Variants in GCC2 observed in about 807,000 individuals in gnomAD.
GCC2 encodes GRIP and coiled-coil domain-containing protein 2.
Under a neutral mutation model 210.6 loss-of-function variants are expected in GCC2, and 120 were observed. The ratio of observed to expected loss-of-function variants is 0.57; its 90% CI spans 0.49 to 0.66. The LOEUF is 0.66. Ranked by LOEUF, GCC2 falls within the 30% of genes least tolerant of loss-of-function variation. The probability of loss-of-function intolerance (pLI) is 0.00; values close to 1 mark genes in which losing one functional copy is unlikely to be tolerated. For missense variants in GCC2, 1,868 were observed against 1,871.9 expected (o/e 1.00, Z 0.04); for synonymous variants, 703 against 652.7 (o/e 1.08, Z -1.17).
At chr2:108,493,146 G>A (rs1490668036) in intron 19 of GCC2, among the ~76,000 whole-genome samples, 1 of 152,200 alleles carries the variant, frequency 6.6e-6, no homozygotes, top group Non-Finnish European at 1.5e-5. Flanking sequence ...CTGGAGTGCA[G>A]TGGCGCGATC....
chr2:108,496,726 G>A lies in GCC2; in HGVS notation c.4643-244G>A, dbSNP rs1682661278. ...ATAAACACAATTCTGACAAATTTCA[G>A]AACTGGGACTCATAGGGCTTGTATT... On this transcript the variant is annotated intron_variant, in intron 20 of 22. Transcript: ENST00000309863. The A allele has an allele frequency of 5.0e-6, 3 of 596,506 alleles. No individual in the cohort carries two copies. In the Admixed American group the frequency reaches 9.8e-5, roughly 19 times the overall value. 37.0% of individuals were successfully genotyped at this position (596,506 alleles called of 1,614,324 possible).
chr2:108,449,835 G>A, intron 2 of GCC2, 146 bp downstream of exon 2: 2 of 613,210 alleles, frequency 3.3e-6, no homozygotes, highest in Non-Finnish European at 5.7e-6. Context: ...GTGCGCAATC[G>A]CCCATTTCCT....
intron 4 of GCC2, among the ~76,000 whole-genome samples, chr2:108,459,764 T>TTTTTTTTTTTTTTTTTTTTTTTTG: frequency 7.4e-6 from 1 of 134,914 alleles, no homozygotes; most frequent in African/African-American, 2.8e-5. Context: ...TTTTTTTTTT[T>TTTTTTTTTTTTTTTTTTTTTTTTG]TTTTTTTTTT....
intron 15 of GCC2, chr2:108,486,305 G>T (rs1553441886): frequency 1.3e-5 from 7 of 556,840 alleles, no homozygotes; most frequent in Non-Finnish European, 1.6e-5. Flanking sequence ...TCTTTTTTTT[G>T]AATTGATGTT....
chr2:108,465,029 C>A (rs1023504183), intron 4 of GCC2, among the ~76,000 whole-genome samples: 1 of 152,210 alleles, frequency 6.6e-6, no homozygotes, highest in Non-Finnish European at 1.5e-5. Context: ...TGAGAGCTCA[C>A]TTTTCACCAA....
At chr2:108,451,209 T>C (rs1679926659) in intron 3 of GCC2, 97 bp downstream of exon 3, 1 of 705,036 alleles carries the variant, frequency 1.4e-6, no homozygotes, top group African/African-American at 1.8e-5. Flanking sequence ...TTTTGTTTGT[T>C]TTCCAGTGAT....
At chr2:108,455,587 A>G (rs1052118927) in intron 4 of GCC2, among the ~76,000 whole-genome samples, 2 of 126,038 alleles carry the variant, frequency 1.6e-5, no homozygotes, top group African/African-American at 5.1e-5. Context: ...TATAATCATT[A>G]AATCAGAGTA....
chr2:108,507,747 T>G lies in GCC2; in HGVS notation c.*117T>G. ...GTATATATGTTTGCATCTACATATA[T>G]TTGTACATCTATATGACAGATGTAT... On this transcript the variant is annotated 3_prime_UTR_variant, in exon 23 of 23. Transcript: ENST00000309863. 1 of 731,434 alleles carries G rather than the reference T, an allele frequency of 1.4e-6. No individual in the cohort carries two copies. Among genetic ancestry groups the G allele is most frequent in the African/African-American group, 1.8e-5 (1 of 55,972 alleles). The allele number at this position is 731,434 out of a possible 1,614,324, so 45.3% of individuals were successfully genotyped here. A position where few individuals can be genotyped will look rare whatever the true frequency, so the allele number is the denominator to read the frequency against.
At position 108,470,019 on chromosome 2, in the gene GCC2, C is replaced by T; in HGVS notation, c.690C>T (p.Tyr230=). 1 of 1,611,958 alleles carries T rather than the reference C, an allele frequency of 6.2e-7. No individual in the cohort carries two copies. The highest frequency in any genetic ancestry group is 1.7e-4 in the Middle Eastern group (1 of 6,046). ...TCATTGAGGCTAATTCTCAGCATTACCAAAAAAATATTAATAGTTTGCAGG... is the reference window on the plus strand; with the variant it reads ...TCATTGAGGCTAATTCTCAGCATTATCAAAAAAATATTAATAGTTTGCAGG... ...QNIIEANSQH[Y]QKNINSLQEE... Residue 230 remains tyrosine, a synonymous_variant, in exon 6 of 23, where the codon TAC becomes TAT. Coordinates refer to ENST00000309863, the MANE Select transcript of GCC2 (RefSeq NM_181453.4).
In GCC2 at chr2:108,496,997, C is replaced by A. The variant is rs1682675508; in HGVS notation, c.4670C>A (p.Thr1557Asn). The A allele has an allele frequency of 1.2e-6, 2 of 1,611,960 alleles. No homozygotes were observed. Among genetic ancestry groups the A allele is most frequent in the Non-Finnish European group, 1.7e-6 (2 of 1,179,860 alleles). Residue 1557 changes from threonine (T) to asparagine (N), a missense_variant, in exon 21 of 23, where the codon ACC (threonine) becomes AAC (asparagine). Physicochemically the swap from Thr to Asn is moderately conservative, Grantham distance 65. Transcript: ENST00000309863. ...LEPPLWHAEF[T>N]KEELVQKLSS... is the part of the protein sequence containing the mutation. Reference sequence around the variant, plus strand: ...CCTCCATTATGGCATGCTGAATTTACCAAAGAAGAATTGGTTCAGAAGCTC... The same window carrying A: ...CCTCCATTATGGCATGCTGAATTTAACAAAGAAGAATTGGTTCAGAAGCTC...
intron 2 of GCC2, chr2:108,449,896 C>T (rs1573331999): frequency 1.7e-6 from 1 of 573,744 alleles, no homozygotes; most frequent in Non-Finnish European, 3.1e-6. Flanking sequence ...TTGCTTCCTG[C>T]TCCTGGTTAG....
rs746838759 is a variant in GCC2, at chr2:108,469,062, T to C, written c.299T>C (p.Ile100Thr). Residue 100 changes from isoleucine (I) to threonine (T), a missense_variant, in exon 5 of 23, where the codon ATA becomes ACA. By Grantham distance (89) the Ile-to-Thr change is moderately conservative. Around this residue, in one of 3 missense-constraint regions of GCC2, gnomAD observed 1,847 missense variants for 1,765.2 expected, o/e 1.05. Coordinates refer to ENST00000309863, the MANE Select transcript of GCC2 (RefSeq NM_181453.4). ...QQCLSLKKEN[I>T]KMKQEVEDSV... ...TGTCTTTCTCTGAAAAAGGAAAATATAAAAATGAAGCAAGAGGTTGAGGTA... is the reference window on the plus strand; with the variant it reads ...TGTCTTTCTCTGAAAAAGGAAAATACAAAAATGAAGCAAGAGGTTGAGGTA... The C allele has an allele frequency of 1.7e-5, 28 of 1,608,444 alleles. No homozygotes were observed. In the East Asian group the frequency reaches 4.7e-4, roughly 27 times the overall value.
rs759260339 is a variant in GCC2, at chr2:108,471,511, G to A, written c.2182G>A (p.Glu728Lys). 5.0e-6 allele frequency: 8 copies of A among 1,606,434 alleles called. No homozygotes were observed. The highest frequency in any genetic ancestry group is 6.8e-6 in the Non-Finnish European group (8 of 1,177,394). ...CCTTAAAGAACATATTACTCAATTA[G>A]AAAAGAAACTTCAGTTAATGGTTGA... ...VILKEHITQL[E>K]KKLQLMVEEQ... Residue 728 changes from glutamate to lysine, a missense_variant, in exon 6 of 23, where the codon GAA (glutamate) becomes AAA (lysine). Physicochemically the swap from Glu to Lys is moderately conservative, Grantham distance 56. Coordinates refer to ENST00000309863, the MANE Select transcript of GCC2 (RefSeq NM_181453.4).
rs751556782 is a variant in GCC2 at position 108,469,780 on chromosome 2, A to G, written c.451A>G (p.Asn151Asp). Residue 151 changes from asparagine to aspartate, a missense_variant, in exon 6 of 23, where the codon AAC (asparagine) becomes GAC (aspartate). Coordinates refer to ENST00000309863, the MANE Select transcript of GCC2 (RefSeq NM_181453.4). Reference sequence around the variant, plus strand: ...TTCCAAATACAGTGAAGACAAAGCTAACTTACAAAAGCAGCTGGAAGAAGC... The same window carrying G: ...TTCCAAATACAGTGAAGACAAAGCTGACTTACAAAAGCAGCTGGAAGAAGC... Reference protein sequence around the residue: ...VRSKYSEDKANLQKQLEEAMN... With the variant: ...VRSKYSEDKADLQKQLEEAMN... 1.9e-6 allele frequency: 3 copies of G among 1,613,886 alleles called. No individual in the cohort carries two copies. Among genetic ancestry groups the G allele is most frequent in the South Asian group, 1.1e-5 (1 of 91,058 alleles).
chr2:108,493,793 G>C (rs1682517725), intron 19 of GCC2: 1 of 985,246 alleles, frequency 1.0e-6, no homozygotes, highest in African/African-American at 1.7e-5. Context: ...AATCAACAAA[G>C]GAAGTAATCA....
At chr2:108,480,009 A>C (rs59149151) in intron 9 of GCC2, among the ~76,000 whole-genome samples, 32,006 of 145,650 alleles carry the variant, frequency 0.22, 4,196 homozygotes, top group African/African-American at 0.33. Flanking sequence ...AAAAAAAAAA[A>C]CGAAAAACCC....
Position 108,470,925 on chromosome 2 carries a change from C to T in GCC2, c.1596C>T (p.Ala532=). ...KLRTAFTEKD[A]LLETVNRLQG... is the part of the protein sequence containing the mutation. The stretch of plus-strand genomic sequence containing the variant: ...GAACTGCTTTTACTGAAAAAGATGC[C>T]CTTCTCGAAACTGTGAATCGCCTCC... The change falls in exon 6 of 23, where the codon GCC becomes GCT. Residue 532 remains alanine, a synonymous_variant. Transcript: ENST00000309863. 1 of 1,613,286 alleles carries T rather than the reference C, an allele frequency of 6.2e-7. No homozygotes were observed. The highest frequency in any genetic ancestry group is 1.1e-5 in the South Asian group (1 of 91,036).
chr2:108,492,551 A>G, intron 18 of GCC2, 22 bp from the exon 19 acceptor site: 2 of 1,496,684 alleles, frequency 1.3e-6, no homozygotes, highest in Non-Finnish European at 1.9e-6. Context: ...GATCTTCTGT[A>G]ACTAAGTTTC....
intron 10 of GCC2, among the ~76,000 whole-genome samples, 180 bp from the exon 11 acceptor site, chr2:108,482,107 A>G (rs954253395): frequency 6.6e-6 from 1 of 152,142 alleles, no homozygotes; most frequent in Admixed American, 6.5e-5. Context: ...AAGGTTTACC[A>G]TATTAGTATT....
Sources: allele counts gnomAD v4.1 joint callset (sites outside exome capture counted in the v4.1 genomes callset), GRCh38; gene constraint gnomAD v4.1.1; regional missense constraint gnomAD v4.1.1; transcripts MANE v1.5; gene names NCBI Gene and HGNC (gene_info 2026-07-23, HGNC 2026-07-21).